Variants in ZNF431 observed in about 807,000 individuals in gnomAD.
The protein encoded by ZNF431 is zinc finger protein 431.
In ZNF431, 34 loss-of-function variants were observed where a neutral mutation model predicts 57.0. That is an observed-to-expected ratio of 0.60 (90% CI 0.45 to 0.79). The LOEUF (loss-of-function observed/expected upper bound fraction) is 0.79. ZNF431 is among the 30% of genes least tolerant of loss of function. ZNF431 has a pLI of 0.00. For synonymous variants in ZNF431, 207 were observed against 220.3 expected, an observed-to-expected ratio of 0.94 and a Z score of 0.54; for missense variants, 607 against 667.1, an observed-to-expected ratio of 0.91 and a Z score of 0.99.
At chr19:21,156,696 G>GT (rs111603559) in intron 2 of ZNF431, among the ~76,000 whole-genome samples, 30 of 13,772 alleles carry the variant, frequency 2.2e-3, no homozygotes, top group Admixed American at 5.0e-3. Flanking sequence ...ACTTAATCTT[G>GT]TTTTTTTTTT....
intron 4 of ZNF431, among the ~76,000 whole-genome samples, chr19:21,171,583 TATCTC>T (rs1219136986): frequency 2.6e-5 from 4 of 151,746 alleles, no homozygotes; most frequent in East Asian, 1.9e-4. Context: ...GGTTATGACT[TATCTC>T]ATATATATTC....
At chr19:21,146,598 C>T (rs1970104214) in intron 2 of ZNF431, among the ~76,000 whole-genome samples, 1 of 152,110 alleles carries the variant, frequency 6.6e-6, no homozygotes, top group Non-Finnish European at 1.5e-5. Flanking sequence ...CCTAATGTTT[C>T]CATATTTGTA....
intron 4 of ZNF431, among the ~76,000 whole-genome samples, chr19:21,176,131 G>A (rs1004745572): frequency 1.3e-5 from 2 of 152,066 alleles, no homozygotes; most frequent in Admixed American, 1.3e-4. Context: ...ACTGGGGTGA[G>A]ATGGTACCTC....
intron 1 of ZNF431, among the ~76,000 whole-genome samples, chr19:21,142,390 T>C (rs1379045927): frequency 6.6e-6 from 1 of 152,184 alleles, no homozygotes; most frequent in Non-Finnish European, 1.5e-5. Flanking sequence ...TCCTGTCTCT[T>C]CACTGCACAG....
intron 2 of ZNF431, among the ~76,000 whole-genome samples, chr19:21,163,144 T>C (rs1378066497): frequency 6.6e-6 from 1 of 152,246 alleles, no homozygotes; most frequent in East Asian, 1.9e-4. Context: ...CATAGTGCTC[T>C]GTAACATACT....
At chr19:21,168,198 T>G (rs1248574007) in intron 4 of ZNF431, among the ~76,000 whole-genome samples, 2 of 152,300 alleles carry the variant, frequency 1.3e-5, no homozygotes, top group African/African-American at 4.8e-5. Context: ...TGTTCTTTTT[T>G]CTCAAGAATG....
At position 21,184,997 on chromosome 19, in the gene ZNF431, A is replaced by G. The variant is rs1971326401; in HGVS notation, c.*963A>G. On this transcript the variant is annotated 3_prime_UTR_variant, in exon 5 of 5. Transcript: ENST00000311048. Reference sequence around the variant, plus strand: ...AACATCAGGGAATTTATATTGAAAAATTGTGCAAATATAATAAATTTGGAA... The same window carrying G: ...AACATCAGGGAATTTATATTGAAAAGTTGTGCAAATATAATAAATTTGGAA... The G allele has an allele frequency of 6.6e-6, 1 of 152,200 alleles. No homozygotes were observed. 9.4% of individuals were successfully genotyped at this position (152,200 alleles called of 1,614,324 possible).
Position 21,183,831 on chromosome 19 carries a change from A to C in ZNF431, c.1528A>C (p.Lys510Gln). The change falls in exon 5 of 5, where the codon AAA becomes CAA. Residue 510 changes from lysine to glutamine, a missense_variant. Transcript: ENST00000311048. ...TKHKIIHTGE[K>Q]SYKCEECGKA... is the part of the protein sequence containing the mutation. ...ACATAAGATAATTCATACAGGAGAG[A>C]AATCTTACAAATGTGAAGAATGTGG... The C allele has an allele frequency of 6.2e-7, 1 of 1,613,974 alleles. No homozygotes were observed. Among genetic ancestry groups the C allele is most frequent in the Non-Finnish European group, 8.5e-7 (1 of 1,179,886 alleles).
chr19:21,177,112 A>G (rs188794443), intron 4 of ZNF431, among the ~76,000 whole-genome samples: 85 of 152,296 alleles, frequency 5.6e-4, no homozygotes, highest in Non-Finnish European at 9.0e-4. Flanking sequence ...GCCCATGCCT[A>G]TGTCCTGAGT....
intron 2 of ZNF431, among the ~76,000 whole-genome samples, chr19:21,155,226 G>C (rs370120778): frequency 6.6e-6 from 1 of 152,138 alleles, no homozygotes; most frequent in East Asian, 1.9e-4. Context: ...TCCAGTTTCA[G>C]CTTTCTACAT....
rs929237936 is a variant in ZNF431 at position 21,184,144 on chromosome 19, G to C, written c.*110G>C. 1.8e-5 allele frequency: 17 copies of C among 921,058 alleles called. No homozygotes were observed. The Admixed American group carries it at 4.8e-4, about 26-fold the overall frequency. The allele number at this position is 921,058 out of a possible 1,614,324, so 57.1% of individuals were successfully genotyped here. A position where few individuals can be genotyped will look rare whatever the true frequency, so the allele number is the denominator to read the frequency against. On this transcript the variant is annotated 3_prime_UTR_variant, in exon 5 of 5. Coordinates refer to ENST00000311048, the MANE Select transcript of ZNF431 (RefSeq NM_133473.4). ...AGGTGGGTGGATCACAAGGTCAAGA[G>C]ATCGAGACCATCCTGGCCAACATGG... is the stretch of plus-strand genomic sequence containing the variant.
At chr19:21,159,095 T>A (rs2144968784) in intron 2 of ZNF431, among the ~76,000 whole-genome samples, 1 of 152,286 alleles carries the variant, frequency 6.6e-6, no homozygotes. Context: ...TGTCTTTAGT[T>A]CTGTTTATGT....
At chr19:21,166,262 T>G in intron 2 of ZNF431, 73 bp from the exon 3 acceptor site, 1 of 1,565,994 alleles carries the variant, frequency 6.4e-7, no homozygotes, top group East Asian at 2.3e-5. Context: ...TCAATTCACC[T>G]TAATTCAAAT....
At chr19:21,148,714 T>A (rs1284824197) in intron 2 of ZNF431, among the ~76,000 whole-genome samples, 5 of 152,246 alleles carry the variant, frequency 3.3e-5, no homozygotes, top group Admixed American at 6.5e-5. Flanking sequence ...CAAAATTAGA[T>A]GTTACAATGT....
intron 2 of ZNF431, among the ~76,000 whole-genome samples, chr19:21,156,954 T>C (rs1037574598): frequency 1.3e-5 from 2 of 152,114 alleles, no homozygotes. Flanking sequence ...TCTTTTTCTA[T>C]CTTTTGTAGA....
At chr19:21,152,865 A>T (rs1970315190) in intron 2 of ZNF431, among the ~76,000 whole-genome samples, 2 of 152,204 alleles carry the variant, frequency 1.3e-5, no homozygotes, top group African/African-American at 4.8e-5. Context: ...GTTACCGGAA[A>T]GAAGTTCTGA....
At chr19:21,147,158 G>A (rs769276693) in intron 2 of ZNF431, among the ~76,000 whole-genome samples, 1 of 152,052 alleles carries the variant, frequency 6.6e-6, no homozygotes, top group Non-Finnish European at 1.5e-5. Context: ...CTATTCTAAT[G>A]TCACAATTTC....
chr19:21,181,108 T>C (rs979434003), intron 4 of ZNF431, among the ~76,000 whole-genome samples: 1 of 152,146 alleles, frequency 6.6e-6, no homozygotes, highest in Non-Finnish European at 1.5e-5. Flanking sequence ...TTTTAGAGAA[T>C]AATTAATATT....
At chr19:21,158,270 T>G (rs771806272) in intron 2 of ZNF431, among the ~76,000 whole-genome samples, 2 of 152,150 alleles carry the variant, frequency 1.3e-5, no homozygotes, top group African/African-American at 2.4e-5. Flanking sequence ...CGATCTCAGC[T>G]TACTGCAACC....
Sources: gnomAD v4.1 joint callset for allele counts (sites outside exome capture counted in the v4.1 genomes callset) on GRCh38, gnomAD v4.1.1 for gene constraint, MANE v1.5 for transcripts, NCBI Gene and HGNC (gene_info 2026-07-23, HGNC 2026-07-21) for gene names.